The following PRELID2 variants were observed in gnomAD, a reference collection of about 807,000 sequenced individuals.
PRELID2 encodes the protein PRELI domain containing 2.
PRELID2 carries 25 observed loss-of-function variants against 28.4 expected under a neutral mutation model. The ratio of observed to expected loss-of-function variants is 0.88; its 90% CI spans 0.64 to 1.23. The LOEUF is 1.23. Among genes scored for constraint, PRELID2 ranks in the 50% most tolerant of loss-of-function variants. The pLI is 0.00. For missense variants in PRELID2, 201 were observed against 214.4 expected, an observed-to-expected ratio of 0.94 and a Z score of 0.39; for synonymous variants, 76 against 71.6, an observed-to-expected ratio of 1.06 and a Z score of -0.31.
chr5:145,594,430 T>C lies in PRELID2; in HGVS notation n.71-121115A>G, dbSNP rs138324084. Among the ~76,000 whole-genome samples, 121 of 152,300 alleles carry C rather than the reference T, an allele frequency of 7.9e-4. 2 individuals carry two copies. In the East Asian group the frequency reaches 0.019, roughly 24 times the overall value. ...TTTTACTAATTATAGAAATGTGGCT[T>C]ACATCTTATTGTTTTTCTGATCTTC... On this transcript the variant is annotated intron_variant and non_coding_transcript_variant, in intron 1 of 2. Coordinates refer to the PRELID2 transcript ENST00000510259.
intron 1 of PRELID2, among the ~76,000 whole-genome samples, chr5:145,498,428 G>A (rs1007355533): frequency 6.6e-6 from 1 of 152,122 alleles, no homozygotes; most frequent in African/African-American, 2.4e-5. Context: ...TGGAGGCTGT[G>A]GCAAAAGGAT....
chr5:145,279,775 A>G, the PRELID2 span, among the ~76,000 whole-genome samples: 1 of 152,176 alleles, frequency 6.6e-6, no homozygotes, highest in African/African-American at 2.4e-5. Context: ...AATTAGAAGG[A>G]CATATTCTTG....
intron 1 of PRELID2, among the ~76,000 whole-genome samples, chr5:145,493,385 G>C (rs1211198398): frequency 6.6e-6 from 1 of 152,014 alleles, no homozygotes; most frequent in African/African-American, 2.4e-5. Context: ...CATCTAAATG[G>C]CTTTCACAGA....
chr5:145,295,255 A>T, the PRELID2 span, among the ~76,000 whole-genome samples: 1 of 152,166 alleles, frequency 6.6e-6, no homozygotes, highest in Admixed American at 6.6e-5. Flanking sequence ...CTGATGAAAA[A>T]TTTATTTTGG....
At chr5:145,630,460 G>A (rs1210857186) in intron 1 of PRELID2, among the ~76,000 whole-genome samples, 1 of 152,180 alleles carries the variant, frequency 6.6e-6, no homozygotes, top group Non-Finnish European at 1.5e-5. Flanking sequence ...GGACAAGGAA[G>A]AACTGTAAGA....
the PRELID2 span, among the ~76,000 whole-genome samples, chr5:145,321,371 G>A: frequency 6.6e-6 from 1 of 152,104 alleles, no homozygotes; most frequent in Non-Finnish European, 1.5e-5. Context: ...TTTCTTCCTG[G>A]ATAGCTGATT....
In PRELID2 at chr5:145,710,712, G is replaced by T. The variant is rs1755670012; in HGVS notation, n.70+54219C>A. On this transcript the variant is annotated intron_variant and non_coding_transcript_variant, in intron 1 of 2. Coordinates refer to the PRELID2 transcript ENST00000510259. ...AGTGACACTCTTAACATCACTGCCT[G>T]GTCCAAAATGTCGCTGAGGCTCACG... Among the ~76,000 whole-genome samples, 4 of 152,194 alleles carry T rather than the reference G, an allele frequency of 2.6e-5. No individual in the cohort carries two copies. In the South Asian group the frequency reaches 8.3e-4, roughly 31 times the overall value.
the PRELID2 span, among the ~76,000 whole-genome samples, chr5:145,278,480 G>C: frequency 1.3e-4 from 20 of 152,088 alleles, no homozygotes; most frequent in Admixed American, 7.9e-4. Flanking sequence ...ATTTTTGCTA[G>C]ATGTTAAGCA....
the PRELID2 span, among the ~76,000 whole-genome samples, chr5:145,297,521 G>A: frequency 6.6e-6 from 1 of 152,140 alleles, no homozygotes; most frequent in Admixed American, 6.6e-5. Context: ...ATACTGAATG[G>A]GCAAAAAACT....
At chr5:145,814,220 G>A (rs1754144423) in intron 4 of PRELID2, among the ~76,000 whole-genome samples, 1 of 152,158 alleles carries the variant, frequency 6.6e-6, no homozygotes, top group Admixed American at 6.6e-5. Flanking sequence ...TATCACAGAT[G>A]AAAGTTTAGT....
In PRELID2 at chr5:145,695,180, G is replaced by C. The variant is rs111778536; in HGVS notation, n.70+69751C>G. On this transcript the variant is annotated intron_variant and non_coding_transcript_variant, in intron 1 of 2. Transcript: ENST00000510259. Reference sequence around the variant, plus strand: ...AGGAAACAAACAGGTACAGGGAGGGGAGCTACCCCTTTAGAGCAGTTGGAG... The same window carrying C: ...AGGAAACAAACAGGTACAGGGAGGGCAGCTACCCCTTTAGAGCAGTTGGAG... Among the ~76,000 whole-genome samples, 1,235 of 152,300 alleles carry C rather than the reference G, an allele frequency of 8.1e-3. 13 individuals are homozygous for C. Among genetic ancestry groups the C allele is most frequent in the African/African-American group, 0.028 (1,172 of 41,556 alleles).
the PRELID2 span, among the ~76,000 whole-genome samples, chr5:145,371,883 A>AT: frequency 1.3e-5 from 1 of 75,144 alleles, no homozygotes; most frequent in African/African-American, 6.0e-5. Context: ...TATTTTGTTA[A>AT]TTTAAAAAAA....
At chr5:145,584,334 C>T (rs1580984789) in intron 1 of PRELID2, among the ~76,000 whole-genome samples, 1 of 152,018 alleles carries the variant, frequency 6.6e-6, no homozygotes, top group East Asian at 1.9e-4. Flanking sequence ...ACTAGAAAGA[C>T]CCTAGAAGAA....
chr5:145,762,142 C>A (rs1266201075), intron 6 of PRELID2, among the ~76,000 whole-genome samples: 2 of 152,114 alleles, frequency 1.3e-5, no homozygotes, highest in African/African-American at 4.8e-5. Context: ...TTATATAAAT[C>A]TTTCAGGAAA....
chr5:145,740,266 ATATATATATAT>A, intron 1 of PRELID2, among the ~76,000 whole-genome samples: 2 of 1,282 alleles, frequency 1.6e-3, no homozygotes, highest in African/African-American at 0.013. Flanking sequence ...GATTTATCAA[ATATATATATAT>A]ATATATATAT....
At chr5:145,826,164 G>C in intron 1 of PRELID2, 1 of 985,246 alleles carries the variant, frequency 1.0e-6, no homozygotes, top group Non-Finnish European at 1.2e-6. Flanking sequence ...GCTGCCATGC[G>C]CATGATCTCA....
At chr5:145,788,046 T>G (rs1021595999) in intron 5 of PRELID2, among the ~76,000 whole-genome samples, 1 of 152,100 alleles carries the variant, frequency 6.6e-6, no homozygotes, top group Non-Finnish European at 1.5e-5. Flanking sequence ...CTGCAGAGCA[T>G]CAGTGATGTC....
At chr5:145,463,606 T>C in the PRELID2 span, among the ~76,000 whole-genome samples, 2 of 152,142 alleles carry the variant, frequency 1.3e-5, no homozygotes, top group African/African-American at 4.8e-5. Flanking sequence ...CTGATATGGG[T>C]CCTGGACAAA....
the PRELID2 span, among the ~76,000 whole-genome samples, chr5:145,435,635 C>T: frequency 2.0e-5 from 3 of 152,130 alleles, no homozygotes; most frequent in Admixed American, 2.0e-4. Flanking sequence ...CCTAGGACTT[C>T]TACTTTGTTT....
Sources: gnomAD v4.1 joint callset for allele counts (sites outside exome capture counted in the v4.1 genomes callset) on GRCh38, gnomAD v4.1.1 for gene constraint, MANE v1.5 for transcripts, NCBI Gene and HGNC (gene_info 2026-07-23, HGNC 2026-07-21) for gene names.